The following PTPRT variants were observed in gnomAD, a reference collection of about 807,000 sequenced individuals.
The protein encoded by PTPRT is protein tyrosine phosphatase receptor type T, also known as receptor-type tyrosine-protein phosphatase T.
Under a neutral mutation model 176.8 loss-of-function variants are expected in PTPRT, and 56 were observed. That is an observed-to-expected ratio of 0.32 (90% CI 0.26 to 0.40). The LOEUF is 0.40. Among genes scored for constraint, PTPRT ranks in the 10% least tolerant of loss-of-function variants. The probability of loss-of-function intolerance (pLI) is 1.00; values close to 1 mark genes in which losing one functional copy is unlikely to be tolerated. For synonymous variants in PTPRT, 783 were observed against 739.0 expected (o/e 1.06, Z -0.96); for missense variants, 1,540 against 1,908.2 (o/e 0.81, Z 3.60).
At chr20:43,165,465 G>A (rs1009381137) in intron 1 of PTPRT, among the ~76,000 whole-genome samples, 1 of 152,110 alleles carries the variant, frequency 6.6e-6, no homozygotes, top group African/African-American at 2.4e-5. Flanking sequence ...ACCCACCCCT[G>A]CTAAACACAC....
At chr20:43,170,992 C>G (rs566560308) in intron 1 of PTPRT, among the ~76,000 whole-genome samples, 11 of 152,298 alleles carry the variant, frequency 7.2e-5, no homozygotes, top group Admixed American at 3.9e-4. Flanking sequence ...GTCCAGTTAA[C>G]AGCTGCGTGA....
At chr20:42,189,349 G>A (rs1428322379) in intron 16 of PTPRT, among the ~76,000 whole-genome samples, 1 of 152,002 alleles carries the variant, frequency 6.6e-6, no homozygotes, top group Non-Finnish European at 1.5e-5. Flanking sequence ...AGTGTTTCTG[G>A]GACACTATAC....
At chr20:42,565,352 C>G (rs13040814) in intron 7 of PTPRT, among the ~76,000 whole-genome samples, 35,093 of 152,058 alleles carry the variant, frequency 0.23, 4,556 homozygotes, top group African/African-American at 0.35. Flanking sequence ...CCATTTGTCA[C>G]TGTCAGCCCA....
At chr20:42,378,945 T>G (rs1050783295) in intron 9 of PTPRT, among the ~76,000 whole-genome samples, 2 of 152,246 alleles carry the variant, frequency 1.3e-5, no homozygotes, top group African/African-American at 4.8e-5. Flanking sequence ...CATGTGTAAT[T>G]TGACAGGTGT....
At chr20:42,455,562 T>G (rs879582723) in intron 8 of PTPRT, among the ~76,000 whole-genome samples, 15 of 152,220 alleles carry the variant, frequency 9.9e-5, no homozygotes, top group Non-Finnish European at 2.2e-4. Context: ...AAATTTTCAT[T>G]GACATTTAAG....
At chr20:42,634,013 TATA>T (rs2074510349) in intron 7 of PTPRT, among the ~76,000 whole-genome samples, 7 of 29,036 alleles carry the variant, frequency 2.4e-4, no homozygotes, top group African/African-American at 3.5e-4. Context: ...ATATATATAA[TATA>T]TATATAATAT....
intron 1 of PTPRT, among the ~76,000 whole-genome samples, chr20:43,153,409 G>C (rs1379219066): frequency 6.6e-6 from 1 of 152,028 alleles, no homozygotes; most frequent in Non-Finnish European, 1.5e-5. Context: ...GATAAATAAG[G>C]CAAAGGAACT....
At chr20:42,670,724 G>A (rs2075397728) in intron 7 of PTPRT, among the ~76,000 whole-genome samples, 1 of 152,184 alleles carries the variant, frequency 6.6e-6, no homozygotes, top group African/African-American at 2.4e-5. Context: ...CAGGCAAGGG[G>A]CCTTTGATTG....
At chr20:42,563,886 C>T (rs982687396) in intron 7 of PTPRT, among the ~76,000 whole-genome samples, 8 of 152,154 alleles carry the variant, frequency 5.3e-5, no homozygotes, top group African/African-American at 1.4e-4. Flanking sequence ...ATTTCTTTTT[C>T]GCTCGTGTCA....
At chr20:42,698,310 A>C (rs2075915809) in intron 6 of PTPRT, among the ~76,000 whole-genome samples, 1 of 152,162 alleles carries the variant, frequency 6.6e-6, no homozygotes, top group African/African-American at 2.4e-5. Context: ...AAGAAGCATA[A>C]ACTGGGCCTC....
chr20:42,199,377 T>C lies in PTPRT; in HGVS notation c.2354A>G (p.Lys785Arg), dbSNP rs1269717084. 1 of 1,613,670 alleles carries C rather than the reference T, an allele frequency of 6.2e-7. No individual in the cohort carries two copies. Among genetic ancestry groups the C allele is most frequent in the Non-Finnish European group, 8.5e-7 (1 of 1,179,814 alleles). Reference protein sequence around the residue: ...YSYSYYLKLAKKQKETQSGAQ... With the variant: ...YSYSYYLKLARKQKETQSGAQ... Reference sequence around the variant, plus strand: ...TCCACTCTGGGTCTCCTTCTGCTTCTTGGCCAGCTTCCTTTGGGACATGTG... The same window carrying C: ...TCCACTCTGGGTCTCCTTCTGCTTCCTGGCCAGCTTCCTTTGGGACATGTG... Residue 785 changes from lysine (K) to arginine (R), a missense_variant, in exon 16 of 31, where the codon AAG becomes AGG. Physicochemically the swap from Lys to Arg is conservative, Grantham distance 26 (BLOSUM62 2). This residue lies in a region of PTPRT where 255 missense variants were observed against 250.1 expected (regional missense o/e 1.02). Coordinates refer to ENST00000373187, the MANE Select transcript of PTPRT (RefSeq NM_007050.6).
chr20:42,455,351 A>C (rs1311333396), intron 8 of PTPRT, among the ~76,000 whole-genome samples: 1 of 152,186 alleles, frequency 6.6e-6, no homozygotes, highest in Non-Finnish European at 1.5e-5. Flanking sequence ...ATTTTTTGTT[A>C]ATAAACTTTG....
chr20:42,907,163 A>C lies in PTPRT; in HGVS notation c.89-21231T>G, dbSNP rs528827628. The stretch of plus-strand genomic sequence containing the variant: ...AAATCATCATAAACATTTAAAAAGA[A>C]GACCTCTGAAAATGATCCACTGAAA... On this transcript the variant is annotated intron_variant, in intron 1 of 30. Transcript: ENST00000373187. 1.1e-4 allele frequency among the ~76,000 whole-genome samples: 17 copies of C among 152,364 alleles called. 1 individual carries two copies. The highest frequency in any genetic ancestry group is 4.1e-4 in the African/African-American group (17 of 41,586).
intron 9 of PTPRT, among the ~76,000 whole-genome samples, chr20:42,380,073 T>C (rs2058685003): frequency 6.6e-6 from 1 of 152,192 alleles, no homozygotes; most frequent in African/African-American, 2.4e-5. Context: ...AGAGTAAACG[T>C]GTGAGGCTGG....
At chr20:42,249,464 G>A (rs537813888) in intron 13 of PTPRT, among the ~76,000 whole-genome samples, 1 of 152,308 alleles carries the variant, frequency 6.6e-6, no homozygotes, top group South Asian at 2.1e-4. Context: ...ACAATCCTCA[G>A]TAGAGGAGGC....
At chr20:43,173,162 C>A (rs1280479263) in intron 1 of PTPRT, among the ~76,000 whole-genome samples, 1 of 152,148 alleles carries the variant, frequency 6.6e-6, no homozygotes, top group Non-Finnish European at 1.5e-5. Context: ...CATGACAGAG[C>A]AGATGGACTC....
At chr20:42,469,377 G>A (rs1484654872) in intron 8 of PTPRT, among the ~76,000 whole-genome samples, 1 of 152,028 alleles carries the variant, frequency 6.6e-6, no homozygotes, top group Non-Finnish European at 1.5e-5. Flanking sequence ...CTAATTTTTT[G>A]TATTTTTAGT....
At chr20:42,649,699 T>C (rs1405279163) in intron 7 of PTPRT, among the ~76,000 whole-genome samples, 2 of 152,178 alleles carry the variant, frequency 1.3e-5, no homozygotes, top group African/African-American at 4.8e-5. Flanking sequence ...TAAGTTATGC[T>C]TGATTTACTG....
rs199881893 is a variant in PTPRT at position 42,999,612 on chromosome 20, T to TGTTGTTGTTG, written c.89-113681_89-113680insCAACAACAAC. Among the ~76,000 whole-genome samples the TGTTGTTGTTG allele has an allele frequency of 7.8e-4, 111 of 141,884 alleles. 1 individual carries two copies. The highest frequency in any genetic ancestry group is 1.9e-3 in the Admixed American group (27 of 14,068). The allele number at this position is 141,884 out of a possible 152,430, so 93.1% of individuals were successfully genotyped here. A position where few individuals can be genotyped will look rare whatever the true frequency, so the allele number is the denominator to read the frequency against. ...CTCTAAAAAAAAAACTTGTGGTTTT[T>TGTTGTTGTTG]TTTTTGTTGTTGTTGTTGTTGTGGT... On this transcript the variant is annotated intron_variant, in intron 1 of 30. Coordinates refer to ENST00000373187, the MANE Select transcript of PTPRT (RefSeq NM_007050.6).
Sources: allele counts gnomAD v4.1 joint callset (sites outside exome capture counted in the v4.1 genomes callset), GRCh38; gene constraint gnomAD v4.1.1; regional missense constraint gnomAD v4.1.1; transcripts MANE v1.5; gene names NCBI Gene and HGNC (gene_info 2026-07-23, HGNC 2026-07-21).